Variants in UMODL1 observed in about 807,000 individuals in gnomAD.
UMODL1 encodes uromodulin-like 1.
UMODL1 carries 128 observed loss-of-function variants against 136.3 expected under a neutral mutation model. That is an observed-to-expected ratio of 0.94 (90% CI 0.81 to 1.09). The LOEUF (loss-of-function observed/expected upper bound fraction) is 1.09. Among genes scored for constraint, UMODL1 ranks in the 50% least tolerant of loss-of-function variants. The probability of loss-of-function intolerance (pLI) is 0.00; values close to 1 mark genes in which losing one functional copy is unlikely to be tolerated. For missense variants in UMODL1, 1,766 were observed against 1,725.6 expected, an observed-to-expected ratio of 1.02 and a Z score of -0.41; for synonymous variants, 721 against 720.0, an observed-to-expected ratio of 1.00 and a Z score of -0.02.
chr21:42,067,890 A>G (rs980441342), upstream of UMODL1, among the ~76,000 whole-genome samples: 2 of 152,248 alleles, frequency 1.3e-5, no homozygotes, highest in African/African-American at 4.8e-5. Context: ...TGGAATGTGG[A>G]AAAGGAAAAG....
At chr21:42,098,502 C>T (rs765259663) in intron 6 of UMODL1, among the ~76,000 whole-genome samples, 4 of 151,344 alleles carry the variant, frequency 2.6e-5, no homozygotes, top group Non-Finnish European at 4.4e-5. Flanking sequence ...GGTGCGGTGG[C>T]GCACACCTGT....
intron 6 of UMODL1, among the ~76,000 whole-genome samples, chr21:42,091,116 C>G (rs145363421): frequency 5.5e-4 from 84 of 152,308 alleles, no homozygotes; most frequent in African/African-American, 1.9e-3. Flanking sequence ...TAGTGGGCCA[C>G]CCTCGCATCT....
At chr21:42,133,570 TC>T (rs2067161447) in intron 21 of UMODL1, among the ~76,000 whole-genome samples, 1 of 152,216 alleles carries the variant, frequency 6.6e-6, no homozygotes, top group Non-Finnish European at 1.5e-5. Flanking sequence ...AAATCTGTTC[TC>T]TCTCAGTTCT....
chr21:42,110,204 TGGGTCGGG>T (rs1255210992), intron 10 of UMODL1, among the ~76,000 whole-genome samples: 4 of 152,100 alleles, frequency 2.6e-5, no homozygotes, highest in Non-Finnish European at 5.9e-5. Context: ...TTCTGATGAG[TGGGTCGGG>T]GATACCTGGG....
At chr21:42,125,731 C>T (rs1207752026) in intron 17 of UMODL1, among the ~76,000 whole-genome samples, 4 of 152,220 alleles carry the variant, frequency 2.6e-5, no homozygotes, top group Admixed American at 6.5e-5. Flanking sequence ...GCATGTGGGC[C>T]GGGCCACAGC....
At chr21:42,083,242 C>A (rs1408781615) in intron 2 of UMODL1, among the ~76,000 whole-genome samples, 1 of 152,188 alleles carries the variant, frequency 6.6e-6, no homozygotes, top group Non-Finnish European at 1.5e-5. Flanking sequence ...TGCCACACTC[C>A]TGGTCTACAC....
At chr21:42,091,121 G>C (rs772697178) in intron 6 of UMODL1, among the ~76,000 whole-genome samples, 1 of 152,114 alleles carries the variant, frequency 6.6e-6, no homozygotes, top group Non-Finnish European at 1.5e-5. Flanking sequence ...GGCCACCCTC[G>C]CATCTTCTTT....
At chr21:42,103,485 T>C in intron 8 of UMODL1, 1 of 367,360 alleles carries the variant, frequency 2.7e-6, no homozygotes, top group South Asian at 2.0e-5. Context: ...CAAATAGCCA[T>C]AGGCATTGTT....
rs1454753134 is a variant in UMODL1, at chr21:42,103,962, T to A, written c.1394T>A (p.Val465Glu). 6.2e-7 allele frequency: 1 copy of A among 1,613,968 alleles called. No individual in the cohort carries two copies. The highest frequency in any genetic ancestry group is 8.5e-7 in the Non-Finnish European group (1 of 1,180,020). ...IVSLQAGSVV[V>E]RLKLTVQDPG... ...TCTCTCCAGGCGGGAAGTGTGGTCG[T>A]GAGGCTCAAGCTCACCGTGCAGGAC... is the stretch of plus-strand genomic sequence containing the variant. The change falls in exon 9 of 23, where the codon GTG becomes GAG. Residue 465 changes from valine to glutamate, a missense_variant. By Grantham distance (121) the Val-to-Glu change is moderately radical. Coordinates refer to ENST00000408910, the MANE Select transcript of UMODL1 (RefSeq NM_001004416.3).
chr21:42,099,567 T>C lies in UMODL1; in HGVS notation c.1186+387T>C, dbSNP rs1410740060. 1.3e-5 allele frequency among the ~76,000 whole-genome samples: 2 copies of C among 152,200 alleles called. No homozygotes were observed. Among genetic ancestry groups the C allele is most frequent in the Non-Finnish European group, 2.9e-5 (2 of 68,030 alleles). ...ACCCTGCCCGCTTACCCAGCAGCACTGAGGCCGTCTAAGTTCCCTCCCCGA... is the reference window on the plus strand; with the variant it reads ...ACCCTGCCCGCTTACCCAGCAGCACCGAGGCCGTCTAAGTTCCCTCCCCGA... On this transcript the variant is annotated intron_variant, in intron 7 of 22. Coordinates refer to ENST00000408910, the MANE Select transcript of UMODL1 (RefSeq NM_001004416.3). This position sits in a 1 kb window ranked among gnomAD's most constrained non-coding sequence, Gnocchi z 4.1.
At position 42,065,335 on chromosome 21, in the gene UMODL1, T is replaced by A. The variant is rs531358655; in HGVS notation, c.-141+2121T>A. Among the ~76,000 whole-genome samples the A allele has an allele frequency of 1.1e-4, 16 of 152,342 alleles. 1 individual carries two copies. In the South Asian group the frequency reaches 3.3e-3, roughly 32 times the overall value. On this transcript the variant is annotated intron_variant, in intron 1 of 22. Coordinates refer to the UMODL1 transcript ENST00000400424. Reference sequence around the variant, plus strand: ...AGATTCTATTGCTCTTGCTTCATTATTTCAAAGCCACATGATGATATCCAT... The same window carrying A: ...AGATTCTATTGCTCTTGCTTCATTAATTCAAAGCCACATGATGATATCCAT...
intron 9 of UMODL1, among the ~76,000 whole-genome samples, 154 bp downstream of exon 9, chr21:42,104,241 G>A (rs941486092): frequency 6.6e-5 from 10 of 152,154 alleles, no homozygotes; most frequent in African/African-American, 2.4e-4. Context: ...GGCCAGGGCA[G>A]TAGCCCTGAA....
chr21:42,099,744 G>A lies in UMODL1; in HGVS notation c.1186+564G>A, dbSNP rs1452886305. Among the ~76,000 whole-genome samples, 1 of 152,166 alleles carries A rather than the reference G, an allele frequency of 6.6e-6. No homozygotes were observed. The highest frequency in any genetic ancestry group is 2.4e-5 in the African/African-American group (1 of 41,428). ...CACCCAGGCTGGAGTGTAGTGGTAT[G>A]ATCACAGCTCGCTGCGGCCTCGACC... On this transcript the variant is annotated intron_variant, in intron 7 of 22. Coordinates refer to ENST00000408910, the MANE Select transcript of UMODL1 (RefSeq NM_001004416.3). This position sits in a 1 kb window ranked among gnomAD's most constrained non-coding sequence, Gnocchi z 4.1.
chr21:42,084,353 G>A (rs1210185007), intron 3 of UMODL1, 108 bp downstream of exon 3: 19 of 1,260,922 alleles, frequency 1.5e-5, no homozygotes, highest in Middle Eastern at 2.8e-4. Flanking sequence ...AGCAGTGACC[G>A]ATTTCATCAG....
intron 9 of UMODL1, among the ~76,000 whole-genome samples, chr21:42,104,420 T>TTTTTC (rs796743422): frequency 1.4e-5 from 2 of 145,110 alleles, no homozygotes; most frequent in East Asian, 4.0e-4. Flanking sequence ...TTCTTTTCTT[T>TTTTTC]TTTTCTTTTC....
chr21:42,068,715 A>G (rs1310923461), upstream of UMODL1, among the ~76,000 whole-genome samples: 1 of 152,038 alleles, frequency 6.6e-6, no homozygotes, highest in Non-Finnish European at 1.5e-5. The surrounding 1 kb of genome is among the most constrained non-coding windows in gnomAD (Gnocchi z 5.5). Flanking sequence ...TGCATGAGTG[A>G]TGTGGCATAT....
chr21:42,140,078 A>G (rs1393957553), intron 22 of UMODL1, among the ~76,000 whole-genome samples: 2 of 152,208 alleles, frequency 1.3e-5, no homozygotes, highest in African/African-American at 2.4e-5. Flanking sequence ...GATTGGAGCC[A>G]GTGTCTACTA....
intron 2 of UMODL1, among the ~76,000 whole-genome samples, chr21:42,081,252 C>T (rs975686890): frequency 3.3e-5 from 5 of 152,206 alleles, no homozygotes; most frequent in African/African-American, 9.7e-5. Context: ...GAAGAGGCCC[C>T]GAGGAAGGAG....
At chr21:42,077,348 CTT>C (rs1404351734) in intron 2 of UMODL1, among the ~76,000 whole-genome samples, 1 of 151,922 alleles carries the variant, frequency 6.6e-6, no homozygotes, top group Admixed American at 6.6e-5. Flanking sequence ...AATTAAGAGT[CTT>C]TTATTAGCCG....
Sources: allele counts gnomAD v4.1 joint callset (sites outside exome capture counted in the v4.1 genomes callset), GRCh38; gene constraint gnomAD v4.1.1; non-coding constraint Gnocchi (gnomAD v3.1); transcripts MANE v1.5; gene names NCBI Gene and HGNC (gene_info 2026-07-23, HGNC 2026-07-21).